Variants in MTMR8 observed in about 807,000 individuals in gnomAD.
MTMR8 encodes myotubularin related protein 8, also known as phosphatidylinositol-3,5-bisphosphate 3-phosphatase MTMR8.
MTMR8 carries 65 observed loss-of-function variants against 39.3 expected under a neutral mutation model. That is an observed-to-expected ratio of 1.65 (90% CI 1.35 to 2.03). The LOEUF (loss-of-function observed/expected upper bound fraction) is 2.03, where lower values mean the gene tolerates loss of function less well. Among genes scored for constraint, MTMR8 ranks in the 30% most tolerant of loss-of-function variants. The pLI, the probability that MTMR8 is intolerant of heterozygous loss-of-function variation, is 0.00. For missense variants in MTMR8, 777 were observed against 538.9 expected, an observed-to-expected ratio of 1.44 and a Z score of -4.37; for synonymous variants, 245 against 185.2, an observed-to-expected ratio of 1.32 and a Z score of -2.62.
intron 12 of MTMR8, among the ~76,000 whole-genome samples, chrX:64,302,332 G>T (rs1459294892): frequency 2.7e-5 from 3 of 112,348 alleles, no homozygotes; most frequent in Non-Finnish European, 5.6e-5. Context: ...CAATTTTCCA[G>T]GTGCGTCTGT....
chrX:64,356,048 A>G, intron 3 of MTMR8, 128 bp downstream of exon 3: 3 of 633,160 alleles, frequency 4.7e-6, no homozygotes, highest in Non-Finnish European at 7.3e-6. Flanking sequence ...TTGCCCAAAT[A>G]TAATGGAGCT....
chrX:64,268,866 C>A lies in MTMR8; in HGVS notation c.1786G>T (p.Ala596Ser). The A allele has an allele frequency of 6.6e-6, 8 of 1,211,639 alleles. No individual in the cohort carries two copies. Among genetic ancestry groups the A allele is most frequent in the Non-Finnish European group, 7.8e-6 (7 of 895,514 alleles). The change falls in exon 14 of 14, where the codon GCT (alanine) becomes TCT (serine). Residue 596 changes from alanine (A) to serine (S), a missense_variant. Coordinates refer to ENST00000374852, the MANE Select transcript of MTMR8 (RefSeq NM_017677.4). ...TGGCTTTTTACTTGATCCATCTGAG[C>A]TCGGAGGCCTCCTTCCCTGGATAGG... The part of the protein sequence containing the change: ...GTLSREGGLR[A>S]QMDQVKSQGA...
intron 1 of MTMR8, among the ~76,000 whole-genome samples, chrX:64,369,511 A>G (rs765269034): frequency 9.0e-6 from 1 of 111,272 alleles, no homozygotes; most frequent in African/African-American, 3.3e-5. Context: ...AACTATCACA[A>G]GGACAGAAAA....
At chrX:64,286,031 C>A (rs142745817) in intron 12 of MTMR8, among the ~76,000 whole-genome samples, 1 of 111,119 alleles carries the variant, frequency 9.0e-6, no homozygotes, top group Non-Finnish European at 1.9e-5. Flanking sequence ...ATCAATGAAT[C>A]CAGGAACTGA....
Position 64,355,028 on chromosome X carries a change from A to G in MTMR8, c.311-94T>C, listed in dbSNP as rs529663985. Reference sequence around the variant, plus strand: ...ATAAAGGCTAGATTTCCTTTTCCTAAGGGAATGTTTGTCAAACAGCCCCAG... The same window carrying G: ...ATAAAGGCTAGATTTCCTTTTCCTAGGGGAATGTTTGTCAAACAGCCCCAG... On this transcript the variant is annotated intron_variant, in intron 3 of 13. Transcript: ENST00000374852. 4.8e-6 allele frequency: 4 copies of G among 832,316 alleles called. 1 individual carries two copies. The African/African-American group carries it at 8.4e-5, about 17-fold the overall frequency. 68.6% of individuals were successfully genotyped at this position (832,316 alleles called of 1,213,427 possible). A position where few individuals can be genotyped will look rare whatever the true frequency, so the allele number is the denominator to read the frequency against.
chrX:64,348,464 C>G (rs927655652), intron 6 of MTMR8, among the ~76,000 whole-genome samples, 196 bp downstream of exon 6: 1 of 111,678 alleles, frequency 9.0e-6, no homozygotes, highest in Admixed American at 9.5e-5. Flanking sequence ...GAAATACCCT[C>G]TCATAACCTC....
At chrX:64,303,394 G>T (rs1921969710) in intron 12 of MTMR8, among the ~76,000 whole-genome samples, 1 of 112,002 alleles carries the variant, frequency 8.9e-6, no homozygotes, top group Admixed American at 9.5e-5. Flanking sequence ...AAGACACACT[G>T]CAAAAATACT....
At chrX:64,377,750 C>T (rs1381202800) in intron 1 of MTMR8, among the ~76,000 whole-genome samples, 1 of 111,937 alleles carries the variant, frequency 8.9e-6, no homozygotes, top group Admixed American at 9.5e-5. Flanking sequence ...AAAGGCATGA[C>T]TGTTTTGAAA....
chrX:64,369,017 C>T (rs778328946), intron 1 of MTMR8, among the ~76,000 whole-genome samples: 1 of 112,457 alleles, frequency 8.9e-6, no homozygotes, highest in South Asian at 3.7e-4. Context: ...AATTGCTCAT[C>T]ATCACTGGTC....
At chrX:64,328,255 A>C (rs1922850809) in intron 12 of MTMR8, among the ~76,000 whole-genome samples, 1 of 111,888 alleles carries the variant, frequency 8.9e-6, no homozygotes, top group East Asian at 2.8e-4. Flanking sequence ...AAAATGAAGA[A>C]ATAGAATTCT....
intron 12 of MTMR8, 50 bp from the exon 13 acceptor site, chrX:64,271,123 A>G: frequency 9.0e-7 from 1 of 1,106,681 alleles, no homozygotes. Flanking sequence ...AGCTGGAGTA[A>G]TTGATTACCA....
chrX:64,311,767 C>CT (rs1193336126), intron 12 of MTMR8, among the ~76,000 whole-genome samples: 12,538 of 80,745 alleles, frequency 0.16, 1,821 homozygotes, highest in African/African-American at 0.4. Flanking sequence ...TTCCCCATTG[C>CT]TTTTTTTTTT....
chrX:64,308,322 T>A (rs1436264270), intron 12 of MTMR8, among the ~76,000 whole-genome samples: 3 of 85,148 alleles, frequency 3.5e-5, no homozygotes, highest in Non-Finnish European at 6.8e-5. Context: ...GGCTGGCTAT[T>A]TTTTTTTTTT....
At chrX:64,369,059 A>G (rs1248914092) in intron 1 of MTMR8, among the ~76,000 whole-genome samples, 1 of 112,183 alleles carries the variant, frequency 8.9e-6, no homozygotes, top group Non-Finnish European at 1.9e-5. Context: ...TTAAACCACA[A>G]TGAGATACCA....
intron 1 of MTMR8, among the ~76,000 whole-genome samples, chrX:64,376,765 G>C (rs1166960980): frequency 8.9e-6 from 1 of 112,339 alleles, no homozygotes; most frequent in Non-Finnish European, 1.9e-5. Context: ...GCATAAGTAA[G>C]GAAGAGCCAG....
intron 13 of MTMR8, among the ~76,000 whole-genome samples, chrX:64,269,363 A>G (rs1320771727): frequency 8.9e-6 from 1 of 111,988 alleles, no homozygotes; most frequent in Non-Finnish European, 1.9e-5. Flanking sequence ...TAGGCACTTT[A>G]CACACAGTAT....
chrX:64,273,111 TA>T (rs1159501223), intron 12 of MTMR8, among the ~76,000 whole-genome samples: 1 of 111,290 alleles, frequency 9.0e-6, no homozygotes, highest in Non-Finnish European at 1.9e-5. Context: ...CACAGTAGCA[TA>T]AAAAAGTATA....
intron 12 of MTMR8, among the ~76,000 whole-genome samples, chrX:64,283,994 G>A (rs780660346): frequency 8.9e-6 from 1 of 112,354 alleles, no homozygotes; most frequent in Non-Finnish European, 1.9e-5. Flanking sequence ...GACGAGTTGA[G>A]AGAAGAAGGC....
Position 64,331,693 on chromosome X carries a change from T to C in MTMR8, c.1216A>G (p.Ile406Val). 1.7e-6 allele frequency: 2 copies of C among 1,210,803 alleles called. No homozygotes were observed. Among genetic ancestry groups the C allele is most frequent in the Non-Finnish European group, 2.2e-6 (2 of 894,850 alleles). ...GGAAACTGTTCCATTAATTGCCAGA[T>C]ACAGTCTAGGAACTGGGTGAAGATA... ...SPIFTQFLDC[I>V]WQLMEQFPCA... is the part of the protein sequence containing the mutation. Residue 406 changes from isoleucine (I) to valine (V), a missense_variant, in exon 11 of 14, where the codon ATC becomes GTC. Ile to Val is a conservative substitution (Grantham distance 29). Coordinates refer to ENST00000374852, the MANE Select transcript of MTMR8 (RefSeq NM_017677.4).
Sources: allele counts gnomAD v4.1 joint callset (sites outside exome capture counted in the v4.1 genomes callset), GRCh38; gene constraint gnomAD v4.1.1; transcripts MANE v1.5; gene names NCBI Gene and HGNC (gene_info 2026-07-23, HGNC 2026-07-21).